Variants in TTLL9 observed in about 807,000 individuals in gnomAD.
TTLL9 encodes tubulin tyrosine ligase like 9.
In TTLL9, 47 loss-of-function variants were observed where a neutral mutation model predicts 65.6. The observed-to-expected ratio is 0.72, with a 90% CI of 0.57 to 0.91. The LOEUF (loss-of-function observed/expected upper bound fraction) is 0.91. Ranked by LOEUF, TTLL9 falls within the 40% of genes least tolerant of loss-of-function variation. TTLL9 has a pLI of 0.00. For synonymous variants in TTLL9, 179 were observed against 204.8 expected, an observed-to-expected ratio of 0.87 and a Z score of 1.07; for missense variants, 537 against 568.8, an observed-to-expected ratio of 0.94 and a Z score of 0.57.
chr20:31,935,003 T>G (rs894846781), intron 12 of TTLL9, 115 bp downstream of exon 12: 2 of 1,015,450 alleles, frequency 2.0e-6, no homozygotes, highest in Non-Finnish European at 2.9e-6. Context: ...TGTGCACACT[T>G]ACATTTACTG....
chr20:31,935,202 C>T (rs560654065), intron 12 of TTLL9, among the ~76,000 whole-genome samples: 1 of 152,282 alleles, frequency 6.6e-6, no homozygotes, highest in South Asian at 2.1e-4. Context: ...CAAGAAACTT[C>T]CCCTCTGTAA....
intron 2 of TTLL9, among the ~76,000 whole-genome samples, chr20:31,873,483 T>TACAA (rs1239768143): frequency 1.1e-4 from 16 of 151,842 alleles, no homozygotes; most frequent in Non-Finnish European, 1.8e-4. Flanking sequence ...ATTTCGTCTC[T>TACAA]ACAAACAAAC....
intron 6 of TTLL9, among the ~76,000 whole-genome samples, chr20:31,912,597 ATGTGTATG>A (rs1250280592): frequency 3.1e-4 from 32 of 102,696 alleles, no homozygotes; most frequent in African/African-American, 9.4e-4. Flanking sequence ...GTGTGCGTGT[ATGTGTATG>A]TGTGTGTGTG....
At chr20:31,938,081 T>TCCCTCCCTCCCTCTCCCTCTCCCTCC (rs2064144530) in intron 13 of TTLL9, 1 of 139,546 alleles carries the variant, frequency 7.2e-6, no homozygotes, top group East Asian at 2.8e-4. Flanking sequence ...CCTCTCCCTC[T>TCCCTCCCTCCCTCTCCCTCTCCCTCC]CCCTCCCTCC....
chr20:31,932,847 A>G (rs1344485221), intron 10 of TTLL9, among the ~76,000 whole-genome samples: 1 of 152,022 alleles, frequency 6.6e-6, no homozygotes, highest in Non-Finnish European at 1.5e-5. Flanking sequence ...AAATACAAAA[A>G]TCAGCTGGCT....
chr20:31,933,732 TG>T, intron 10 of TTLL9, 67 bp from the exon 11 acceptor site: 2 of 1,509,796 alleles, frequency 1.3e-6, no homozygotes, highest in Non-Finnish European at 1.8e-6. Flanking sequence ...AGTTCAGTCC[TG>T]GGGACTTCGT....
At chr20:31,930,893 C>T (rs2063997105) in intron 10 of TTLL9, among the ~76,000 whole-genome samples, 1 of 152,058 alleles carries the variant, frequency 6.6e-6, no homozygotes, top group Admixed American at 6.5e-5. Flanking sequence ...TTGGCTGACC[C>T]ATCTCTCACC....
At chr20:31,884,280 C>T (rs901538414) in intron 2 of TTLL9, among the ~76,000 whole-genome samples, 10 of 152,132 alleles carry the variant, frequency 6.6e-5, no homozygotes, top group African/African-American at 2.4e-4. Context: ...GGCTGGAGTG[C>T]AGTGGCGCAA....
intron 4 of TTLL9, among the ~76,000 whole-genome samples, chr20:31,902,295 A>G (rs2063490777): frequency 6.6e-6 from 1 of 152,134 alleles, no homozygotes; most frequent in Non-Finnish European, 1.5e-5. Flanking sequence ...GAATTATACA[A>G]TATGTAACCT....
At chr20:31,926,027 A>G in intron 9 of TTLL9, 22 bp from the exon 10 acceptor site, 2 of 1,613,754 alleles carry the variant, frequency 1.2e-6, no homozygotes, top group Non-Finnish European at 1.7e-6. Flanking sequence ...GCCAGTCCCA[A>G]GTGAACTCCT....
intron 3 of TTLL9, among the ~76,000 whole-genome samples, chr20:31,892,814 C>T (rs909152681): frequency 6.6e-6 from 1 of 152,220 alleles, no homozygotes; most frequent in Admixed American, 6.5e-5. Context: ...AGCATAATTA[C>T]ACCACTTCAT....
chr20:31,895,779 T>C (rs2063375270), intron 3 of TTLL9, among the ~76,000 whole-genome samples: 1 of 151,996 alleles, frequency 6.6e-6, no homozygotes, highest in Non-Finnish European at 1.5e-5. Context: ...CCCATTTCAG[T>C]CCCTCTGCCT....
chr20:31,910,233 G>A (rs1277089669), intron 6 of TTLL9, among the ~76,000 whole-genome samples: 1 of 152,178 alleles, frequency 6.6e-6, no homozygotes, highest in Non-Finnish European at 1.5e-5. Flanking sequence ...AGTGACCCTC[G>A]GGGGAGGGAT....
intron 4 of TTLL9, among the ~76,000 whole-genome samples, chr20:31,903,884 G>GT (rs2063512514): frequency 6.6e-6 from 1 of 152,150 alleles, no homozygotes; most frequent in African/African-American, 2.4e-5. Flanking sequence ...AATTTCACCA[G>GT]TTTTTTTCCA....
chr20:31,871,227 T>C, intron 2 of TTLL9, 32 bp downstream of exon 2: 3 of 1,601,858 alleles, frequency 1.9e-6, no homozygotes, highest in Non-Finnish European at 2.6e-6. Flanking sequence ...TGAGGGAGGG[T>C]TCCAGTCTGA....
intron 2 of TTLL9, among the ~76,000 whole-genome samples, chr20:31,886,992 T>A (rs897733722): frequency 4.6e-5 from 7 of 151,990 alleles, no homozygotes; most frequent in African/African-American, 1.7e-4. Flanking sequence ...TACTTGGGAG[T>A]TCATTCACAG....
chr20:31,911,590 G>C (rs2063647567), intron 6 of TTLL9, among the ~76,000 whole-genome samples: 1 of 152,234 alleles, frequency 6.6e-6, no homozygotes. Context: ...AAGGCGCAGT[G>C]AGGAAGGCCG....
At chr20:31,890,573 A>C (rs2063295765) in intron 3 of TTLL9, among the ~76,000 whole-genome samples, 1 of 152,152 alleles carries the variant, frequency 6.6e-6, no homozygotes, top group Admixed American at 6.6e-5. Context: ...GTTTATTTGG[A>C]AGGTAATTCC....
intron 11 of TTLL9, chr20:31,934,490 G>A: frequency 1.5e-6 from 1 of 681,552 alleles, no homozygotes; most frequent in Non-Finnish European, 2.7e-6. Context: ...CTGGGGTCCT[G>A]CATAGCCAGT....
Sources: gnomAD v4.1 joint callset for allele counts (sites outside exome capture counted in the v4.1 genomes callset) on GRCh38, gnomAD v4.1.1 for gene constraint, MANE v1.5 for transcripts, NCBI Gene and HGNC (gene_info 2026-07-23, HGNC 2026-07-21) for gene names.